Variants in CADPS observed in about 807,000 individuals in gnomAD.
The protein encoded by CADPS is calcium-dependent secretion activator 1.
CADPS carries 57 observed loss-of-function variants against 167.3 expected under a neutral mutation model. That is an observed-to-expected ratio of 0.34 (90% CI 0.28 to 0.42). The LOEUF is 0.42. CADPS is among the 20% of genes least tolerant of loss of function. CADPS has a pLI of 1.00. For synonymous variants in CADPS, 676 were observed against 635.3 expected (o/e 1.06, Z -0.96); for missense variants, 1,414 against 1,738.1 (o/e 0.81, Z 3.32).
chr3:62,618,752 C>T (rs2062722025), intron 6 of CADPS, among the ~76,000 whole-genome samples: 1 of 152,188 alleles, frequency 6.6e-6, no homozygotes, highest in African/African-American at 2.4e-5. Context: ...TCAAACCTCA[C>T]CTCTCTTGAG....
intron 1 of CADPS, among the ~76,000 whole-genome samples, chr3:62,791,834 C>T (rs552766669): frequency 6.6e-6 from 1 of 152,310 alleles, no homozygotes; most frequent in South Asian, 2.1e-4. Context: ...TTTCCCCATC[C>T]TTTAAACAGA....
At chr3:62,836,860 A>T (rs1453491443) in intron 1 of CADPS, among the ~76,000 whole-genome samples, 1 of 152,138 alleles carries the variant, frequency 6.6e-6, no homozygotes, top group African/African-American at 2.4e-5. Flanking sequence ...TTTTGATAAA[A>T]GAAAGAATCA....
intron 18 of CADPS, among the ~76,000 whole-genome samples, chr3:62,496,615 A>C (rs1265823958): frequency 6.6e-6 from 1 of 152,212 alleles, no homozygotes; most frequent in East Asian, 1.9e-4. Flanking sequence ...GCTTTAATGA[A>C]TGTGGCCTTC....
intron 24 of CADPS, chr3:62,467,311 A>G (rs1046823916): frequency 7.9e-7 from 1 of 1,264,694 alleles, no homozygotes; most frequent in African/African-American, 1.5e-5. Context: ...CATTTTAGCA[A>G]ACTTTCAGAA....
At chr3:62,736,489 G>A (rs1187009032) in intron 3 of CADPS, among the ~76,000 whole-genome samples, 1 of 152,048 alleles carries the variant, frequency 6.6e-6, no homozygotes, top group African/African-American at 2.4e-5. Context: ...TCTCCTAGTA[G>A]GCAAATTTTT....
chr3:62,780,311 C>T (rs896475956), intron 1 of CADPS, among the ~76,000 whole-genome samples: 14 of 152,108 alleles, frequency 9.2e-5, no homozygotes, highest in African/African-American at 2.4e-4. Context: ...CCAGCTACTT[C>T]GGAGGCTGAG....
intron 3 of CADPS, among the ~76,000 whole-genome samples, chr3:62,665,759 G>A (rs2074289666): frequency 6.6e-6 from 1 of 152,162 alleles, no homozygotes; most frequent in African/African-American, 2.4e-5. Flanking sequence ...CCTTATCCTG[G>A]TTGTGCCACT....
chr3:62,820,802 T>TTG (rs985321592), intron 1 of CADPS, among the ~76,000 whole-genome samples: 1 of 150,986 alleles, frequency 6.6e-6, no homozygotes, highest in African/African-American at 2.4e-5. Flanking sequence ...TTGGTTTTTT[T>TTG]TTTTTTTCTG....
At chr3:62,721,732 C>G (rs558218133) in intron 3 of CADPS, among the ~76,000 whole-genome samples, 1 of 152,110 alleles carries the variant, frequency 6.6e-6, no homozygotes, top group Non-Finnish European at 1.5e-5. Context: ...TTGCCAGGCA[C>G]TATGCTAAAG....
intron 5 of CADPS, among the ~76,000 whole-genome samples, chr3:62,646,908 G>C (rs1195971199): frequency 6.6e-6 from 1 of 152,190 alleles, no homozygotes; most frequent in Non-Finnish European, 1.5e-5. Flanking sequence ...CAGCTGCATA[G>C]TCTTTGGTCC....
chr3:62,838,294 G>C (rs1475062822), intron 1 of CADPS, among the ~76,000 whole-genome samples: 1 of 152,222 alleles, frequency 6.6e-6, no homozygotes, highest in Non-Finnish European at 1.5e-5. Context: ...ACAATTGAAA[G>C]TGTTATGGAG....
At chr3:62,583,727 C>A (rs139806533) in intron 8 of CADPS, among the ~76,000 whole-genome samples, 1 of 152,004 alleles carries the variant, frequency 6.6e-6, no homozygotes, top group Non-Finnish European at 1.5e-5. Context: ...CATACCTGAA[C>A]CTCTCTGGTG....
chr3:62,822,359 C>T (rs2073133861), intron 1 of CADPS, among the ~76,000 whole-genome samples: 1 of 152,144 alleles, frequency 6.6e-6, no homozygotes, highest in Non-Finnish European at 1.5e-5. Flanking sequence ...TTAGATTATA[C>T]ACTCCATGAG....
In CADPS at chr3:62,865,560, C is replaced by G. The variant is rs146066672; in HGVS notation, c.441+9029G>C. On this transcript the variant is annotated intron_variant, in intron 1 of 29. Coordinates refer to ENST00000383710, the MANE Select transcript of CADPS (RefSeq NM_003716.4). ...TATCTCTCAATTTTAGAATGGCAGA[C>G]AGCAGATGGGAACACTTGAGGGCTT... Among the ~76,000 whole-genome samples the G allele has an allele frequency of 2.2e-3, 328 of 152,182 alleles. 1 individual carries two copies. The highest frequency in any genetic ancestry group is 1.1e-3 in the Non-Finnish European group (74 of 67,984).
chr3:62,720,015 A>G (rs980105800), intron 3 of CADPS, among the ~76,000 whole-genome samples: 1 of 152,202 alleles, frequency 6.6e-6, no homozygotes, highest in Admixed American at 6.5e-5. Context: ...AGCCTGGGAC[A>G]TAGGATAACA....
At chr3:62,477,655 A>G (rs1000468118) in intron 23 of CADPS, among the ~76,000 whole-genome samples, 2 of 152,182 alleles carry the variant, frequency 1.3e-5, no homozygotes, top group Non-Finnish European at 1.5e-5. Flanking sequence ...CCTAAAAGCC[A>G]CAGTGACAAA....
chr3:62,594,193 G>T, intron 6 of CADPS, among the ~76,000 whole-genome samples: 1 of 136,532 alleles, frequency 7.3e-6, no homozygotes, highest in Non-Finnish European at 1.6e-5. Context: ...ACAGAGTCTC[G>T]CTCTGTCGCC....
At position 62,875,107 on chromosome 3, in the gene CADPS, G is replaced by T. The variant is rs2153228817; in HGVS notation, c.-78C>A. 2.1e-6 allele frequency: 3 copies of T among 1,418,888 alleles called. No homozygotes were observed. Among genetic ancestry groups the T allele is most frequent in the Non-Finnish European group, 2.8e-6 (3 of 1,073,474 alleles). 87.9% of individuals were successfully genotyped at this position (1,418,888 alleles called of 1,614,324 possible). A position where few individuals can be genotyped will look rare whatever the true frequency, so the allele number is the denominator to read the frequency against. On this transcript the variant is annotated 5_prime_UTR_variant, in exon 1 of 30. Coordinates refer to ENST00000383710, the MANE Select transcript of CADPS (RefSeq NM_003716.4). ...GTGGGGGGCGCTGGAGGCAGCCGGG[G>T]ATCAGCTCTCCCGGGTGGGCGCTTC...
rs773616603 is a variant in CADPS, at chr3:62,601,764, G to A, written c.1326-9016C>T. Among the ~76,000 whole-genome samples the A allele has an allele frequency of 7.9e-5, 12 of 152,150 alleles. No homozygotes were observed. Among genetic ancestry groups the A allele is most frequent in the Non-Finnish European group, 1.5e-4 (10 of 68,034 alleles). ...AGTAGCAGATGATTCATATTTAGGG[G>A]GATGGGGATGACTTTTAAAGTCACA... On this transcript the variant is annotated intron_variant, in intron 6 of 29. Coordinates refer to ENST00000383710, the MANE Select transcript of CADPS (RefSeq NM_003716.4). This position sits in a 1 kb window ranked among gnomAD's most constrained non-coding sequence, Gnocchi z 4.3.
Sources: allele counts gnomAD v4.1 joint callset (sites outside exome capture counted in the v4.1 genomes callset), GRCh38; gene constraint gnomAD v4.1.1; non-coding constraint Gnocchi (gnomAD v3.1); transcripts MANE v1.5; gene names NCBI Gene and HGNC (gene_info 2026-07-23, HGNC 2026-07-21).